RIMBP2: variants seen among roughly 807,000 people sequenced by gnomAD.
RIMBP2 encodes the protein RIMS-binding protein 2.
Under a neutral mutation model 118.6 loss-of-function variants are expected in RIMBP2, and 48 were observed. The observed-to-expected ratio is 0.40, with a 90% CI of 0.32 to 0.51. The LOEUF (loss-of-function observed/expected upper bound fraction) is 0.51, where lower values mean the gene tolerates loss of function less well. Among genes scored for constraint, RIMBP2 ranks in the 20% least tolerant of loss-of-function variants. The pLI, the probability that RIMBP2 is intolerant of heterozygous loss-of-function variation, is 0.41. For synonymous variants in RIMBP2, 762 were observed against 742.9 expected, an observed-to-expected ratio of 1.03 and a Z score of -0.42; for missense variants, 1,551 against 1,768.3, an observed-to-expected ratio of 0.88 and a Z score of 2.20.
chr12:130,701,270 C>T (rs940313342), intron 1 of RIMBP2, among the ~76,000 whole-genome samples: 2 of 152,276 alleles, frequency 1.3e-5, no homozygotes, highest in South Asian at 2.1e-4. Context: ...CCTAACACAG[C>T]GGGGTGGACA....
At chr12:130,443,535 G>A (rs900317585) in intron 10 of RIMBP2, among the ~76,000 whole-genome samples, 9 of 152,226 alleles carry the variant, frequency 5.9e-5, no homozygotes, top group Admixed American at 2.0e-4. Context: ...TGGATTCTGC[G>A]CCCAGAAGAC....
chr12:130,573,134 C>T (rs2057811224), intron 2 of RIMBP2, among the ~76,000 whole-genome samples: 2 of 152,080 alleles, frequency 1.3e-5, no homozygotes, highest in South Asian at 2.1e-4. Flanking sequence ...ACTGCAGGCC[C>T]CCTATAGCAA....
intron 3 of RIMBP2, among the ~76,000 whole-genome samples, chr12:130,509,899 C>T (rs907849706): frequency 6.6e-6 from 1 of 152,198 alleles, no homozygotes; most frequent in Non-Finnish European, 1.5e-5. Context: ...TCAGAGGCTC[C>T]CTACATAAGG....
At chr12:130,503,074 C>T (rs2049952864) in intron 4 of RIMBP2, among the ~76,000 whole-genome samples, 1 of 152,100 alleles carries the variant, frequency 6.6e-6, no homozygotes, top group Non-Finnish European at 1.5e-5. Context: ...CAGAATACTA[C>T]ATTTTCTCTT....
intron 1 of RIMBP2, among the ~76,000 whole-genome samples, chr12:130,645,722 A>G (rs564835293): frequency 6.9e-4 from 105 of 152,354 alleles, no homozygotes; most frequent in African/African-American, 2.2e-3. Context: ...AAGTCTCTGG[A>G]TCAAACCGTG....
chr12:130,470,371 G>A (rs1459972988), intron 6 of RIMBP2: 4 of 283,710 alleles, frequency 1.4e-5, no homozygotes, highest in East Asian at 6.0e-5. Flanking sequence ...AGTGAGCCAC[G>A]CCCCCTCACT....
intron 1 of RIMBP2, among the ~76,000 whole-genome samples, chr12:130,634,516 C>T (rs2062220225): frequency 6.6e-6 from 1 of 152,110 alleles, no homozygotes; most frequent in Non-Finnish European, 1.5e-5. Context: ...GTCCATCTCA[C>T]GTCACAAGCC....
Position 130,451,287 on chromosome 12 carries a change from G to A in RIMBP2, c.412C>T (p.Leu138Phe). The change falls in exon 8 of 23, where the codon CTT becomes TTT. Residue 138 changes from leucine to phenylalanine, a missense_variant. Transcript: ENST00000690449. ...SSAIGEYIRPLPQPGDRPEPL... is the reference protein window; with the variant it reads ...SSAIGEYIRPFPQPGDRPEPL... ...TCCGGCCTGTCACCAGGCTGCGGAA[G>A]GGGCCGGATATATTCACCGATCGCA... The A allele has an allele frequency of 1.2e-6, 2 of 1,614,212 alleles. No homozygotes were observed. The highest frequency in any genetic ancestry group is 1.7e-6 in the Non-Finnish European group (2 of 1,180,028).
At chr12:130,497,712 G>A (rs546402031) in intron 4 of RIMBP2, among the ~76,000 whole-genome samples, 8 of 152,264 alleles carry the variant, frequency 5.3e-5, no homozygotes, top group East Asian at 3.9e-4. Flanking sequence ...AGCCCAATGC[G>A]TTTTTTATTT....
At chr12:130,509,794 T>G (rs567251308) in intron 3 of RIMBP2, among the ~76,000 whole-genome samples, 4 of 151,684 alleles carry the variant, frequency 2.6e-5, no homozygotes, top group Admixed American at 2.0e-4. Flanking sequence ...TGCTCCATCC[T>G]CCAGTTTGCA....
intron 1 of RIMBP2, among the ~76,000 whole-genome samples, chr12:130,645,504 C>G (rs559624834): frequency 6.6e-6 from 1 of 152,210 alleles, no homozygotes; most frequent in African/African-American, 2.4e-5. Flanking sequence ...ACCTTCCACC[C>G]CTACAGTCAG....
intron 5 of RIMBP2, among the ~76,000 whole-genome samples, chr12:130,478,631 C>T (rs1180148930): frequency 6.6e-6 from 1 of 152,204 alleles, no homozygotes; most frequent in Non-Finnish European, 1.5e-5. Flanking sequence ...CAATTCACAC[C>T]CTGCCAGCCA....
chr12:130,535,738 CATATATATATATATATATATAT>C (rs55887629), intron 2 of RIMBP2, among the ~76,000 whole-genome samples: 68 of 66,738 alleles, frequency 1.0e-3, no homozygotes, highest in African/African-American at 2.6e-3. Context: ...CATATATATA[CATATATATATATATATATATAT>C]ATATATATAT....
At chr12:130,405,902 A>C (rs1241113750) in intron 21 of RIMBP2, among the ~76,000 whole-genome samples, 1 of 152,250 alleles carries the variant, frequency 6.6e-6, no homozygotes, top group Non-Finnish European at 1.5e-5. Context: ...AAAAAATAAG[A>C]ATATGAATGT....
intron 2 of RIMBP2, among the ~76,000 whole-genome samples, chr12:130,619,305 G>A (rs1287646387): frequency 6.6e-6 from 1 of 152,196 alleles, no homozygotes; most frequent in East Asian, 1.9e-4. Flanking sequence ...GGCAGTGGAG[G>A]GTGCTACGCA....
intron 13 of RIMBP2, among the ~76,000 whole-genome samples, chr12:130,435,573 T>C (rs2077454900): frequency 6.6e-6 from 1 of 152,156 alleles, no homozygotes; most frequent in African/African-American, 2.4e-5. Flanking sequence ...TGCTACCCCG[T>C]CCTGCCCACG....
chr12:130,646,889 G>A (rs12819097), intron 1 of RIMBP2, among the ~76,000 whole-genome samples: 32,412 of 152,260 alleles, frequency 0.21, 4,293 homozygotes, highest in Non-Finnish European at 0.3. Flanking sequence ...GGGTGAGGAC[G>A]CCCAGCAGCC....
chr12:130,423,419 T>G (rs971816187), intron 16 of RIMBP2, among the ~76,000 whole-genome samples: 2 of 152,202 alleles, frequency 1.3e-5, no homozygotes, highest in Non-Finnish European at 2.9e-5. Flanking sequence ...CCTGGCGCCA[T>G]GTGGATGGCT....
At chr12:130,652,451 G>A (rs753729091) in intron 1 of RIMBP2, among the ~76,000 whole-genome samples, 18 of 152,118 alleles carry the variant, frequency 1.2e-4, no homozygotes, top group Admixed American at 6.5e-5. Flanking sequence ...TTGTAGTTTT[G>A]TTTCCCTCTT....
Sources: allele counts gnomAD v4.1 joint callset (sites outside exome capture counted in the v4.1 genomes callset), GRCh38; gene constraint gnomAD v4.1.1; transcripts MANE v1.5; gene names NCBI Gene and HGNC (gene_info 2026-07-23, HGNC 2026-07-21).